Variants in CPAMD8 observed in about 807,000 individuals in gnomAD.
CPAMD8 encodes the protein C3 and PZP-like alpha-2-macroglobulin domain-containing protein 8.
A neutral mutation model predicts 224.7 loss-of-function variants in CPAMD8; 146 were observed. That is an observed-to-expected ratio of 0.65 (90% CI 0.57 to 0.75). CPAMD8 has a LOEUF of 0.75. CPAMD8 is among the 30% of genes least tolerant of loss of function. CPAMD8 has a pLI of 0.00. For synonymous variants in CPAMD8, 966 were observed against 1,044.6 expected (o/e 0.92, Z 1.45); for missense variants, 2,301 against 2,537.5 (o/e 0.91, Z 2.00).
chr19:16,977,697 C>T (rs1229895576), intron 14 of CPAMD8, among the ~76,000 whole-genome samples, 157 bp from the exon 15 acceptor site: 1 of 152,228 alleles, frequency 6.6e-6, no homozygotes, highest in Non-Finnish European at 1.5e-5. Context: ...TCCCAGGCTA[C>T]ATCCTCAGTC....
intron 29 of CPAMD8, among the ~76,000 whole-genome samples, chr19:16,912,769 AC>A (rs2052777894): frequency 6.6e-6 from 1 of 151,988 alleles, no homozygotes; most frequent in South Asian, 2.1e-4. Context: ...AAAAAGTCTC[AC>A]CTCAAGATAT....
At chr19:16,995,240 C>T (rs1404405221) in intron 11 of CPAMD8, among the ~76,000 whole-genome samples, 1 of 152,152 alleles carries the variant, frequency 6.6e-6, no homozygotes, top group East Asian at 1.9e-4. Flanking sequence ...GACAGCCAGC[C>T]AGCATCACTC....
rs1434403474 is a variant in CPAMD8 at position 16,929,059 on chromosome 19, C to T, written c.3027G>A (p.Arg1009=). 6.2e-7 allele frequency: 1 copy of T among 1,613,924 alleles called. No homozygotes were observed. The highest frequency in any genetic ancestry group is 1.3e-5 in the African/African-American group (1 of 74,928). The change falls in exon 24 of 42, where the codon AGG becomes AGA. Residue 1009 remains arginine, a synonymous_variant. Transcript: ENST00000443236. ...EIVLGGHQNT[R]SWISTSKMGE... ...CCATCTTGCTGGTGGAGATCCATGA[C>T]CTGGTGTTCTGATGCCCCCCCAGGA...
chr19:17,021,233 C>T (rs1424425786), intron 2 of CPAMD8, among the ~76,000 whole-genome samples: 1 of 152,164 alleles, frequency 6.6e-6, no homozygotes, highest in East Asian at 1.9e-4. Context: ...TACCAGTGGA[C>T]TTTCTTTCTA....
intron 13 of CPAMD8, among the ~76,000 whole-genome samples, chr19:16,986,815 C>T (rs2055737360): frequency 3.3e-5 from 5 of 151,962 alleles, no homozygotes; most frequent in African/African-American, 1.2e-4. Context: ...AGCCAGTGAG[C>T]CTGCCACCAG....
chr19:16,995,312 C>T (rs2056088730), intron 11 of CPAMD8, among the ~76,000 whole-genome samples: 2 of 152,242 alleles, frequency 1.3e-5, no homozygotes, highest in Admixed American at 1.3e-4. Flanking sequence ...GCCCACTTTC[C>T]CCTTGCATGA....
chr19:16,990,368 GC>G (rs1012583641), intron 12 of CPAMD8, among the ~76,000 whole-genome samples: 10 of 151,890 alleles, frequency 6.6e-5, no homozygotes, highest in Non-Finnish European at 1.3e-4. Context: ...GATCACTTGG[GC>G]CCAGGAGTTC....
At position 16,898,915 on chromosome 19, in the gene CPAMD8, T is replaced by A. The variant is rs990376941; in HGVS notation, c.4848+560A>T. On this transcript the variant is annotated intron_variant, in intron 37 of 41. Coordinates refer to ENST00000443236, the MANE Select transcript of CPAMD8 (RefSeq NM_015692.5). The surrounding 1 kb of genome is among the most constrained non-coding windows in gnomAD (Gnocchi z 4.2). ...AATTTATTCTCCCAGTGTCTTATTT[T>A]TTTTTGTTTTTTTTTAGACAAGGTC... is the stretch of plus-strand genomic sequence containing the variant. 6.6e-6 allele frequency among the ~76,000 whole-genome samples: 1 copy of A among 151,318 alleles called. No individual in the cohort carries two copies. The highest frequency in any genetic ancestry group is 1.5e-5 in the Non-Finnish European group (1 of 68,014).
At position 16,980,737 on chromosome 19, in the gene CPAMD8, C is replaced by G. The variant is rs1487836036; in HGVS notation, c.1396-51G>C. On this transcript the variant is annotated intron_variant, in intron 13 of 41. Transcript: ENST00000443236. ...GCTCTGCCTCGCACCAATGTTGCAA[C>G]CCACCACAGGAAGACGGCCATTCTG... The G allele has an allele frequency of 2.1e-6, 3 of 1,417,122 alleles. No individual in the cohort carries two copies. In the East Asian group the frequency reaches 7.8e-5, roughly 37 times the overall value. The allele number at this position is 1,417,122 out of a possible 1,614,324, so 87.8% of individuals were successfully genotyped here. A position where few individuals can be genotyped will look rare whatever the true frequency, so the allele number is the denominator to read the frequency against.
rs770507104 is a variant in CPAMD8, at chr19:17,008,563, T to C, written c.505-4A>G. On this transcript the variant is annotated splice_polypyrimidine_tract_variant and splice_region_variant and intron_variant, in intron 6 of 41. Coordinates refer to ENST00000443236, the MANE Select transcript of CPAMD8 (RefSeq NM_015692.5). ...TCATCCGAGAGCCTCGGGGGTCCTG[T>C]TGGTGGTGGAGGGGGACAGACACAC... is the stretch of plus-strand genomic sequence containing the variant. 1 of 1,613,834 alleles carries C rather than the reference T, an allele frequency of 6.2e-7. No individual in the cohort carries two copies. Among genetic ancestry groups the C allele is most frequent in the Non-Finnish European group, 8.5e-7 (1 of 1,179,956 alleles).
chr19:16,976,399 C>G (rs185518643), intron 15 of CPAMD8, among the ~76,000 whole-genome samples: 1 of 151,948 alleles, frequency 6.6e-6, no homozygotes, highest in Non-Finnish European at 1.5e-5. Flanking sequence ...TCGCTTGAAG[C>G]CCAGAGACAG....
At chr19:16,973,606 C>T (rs2055141912) in intron 17 of CPAMD8, among the ~76,000 whole-genome samples, 1 of 152,022 alleles carries the variant, frequency 6.6e-6, no homozygotes, top group South Asian at 2.1e-4. Context: ...GTCTTGGCCT[C>T]CCAAAGTGCT....
At position 16,906,378 on chromosome 19, in the gene CPAMD8, CTTTCT is replaced by C. The variant is rs2052498527; in HGVS notation, c.4027+569_4027+573del. Among the ~76,000 whole-genome samples the C allele has an allele frequency of 5.0e-4, 36 of 71,664 alleles. 1 individual carries two copies. The highest frequency in any genetic ancestry group is 8.8e-4 in the Non-Finnish European group (29 of 32,912). The allele number at this position is 71,664 out of a possible 152,430, so 47.0% of individuals were successfully genotyped here. ...TCTTTCTTTCTTTCTTTCTTTCTTT[CTTTCT>C]TTCTTTCTTTCTTTCTTTCTTTCTT... On this transcript the variant is annotated intron_variant, in intron 30 of 41. Coordinates refer to ENST00000443236, the MANE Select transcript of CPAMD8 (RefSeq NM_015692.5).
intron 12 of CPAMD8, among the ~76,000 whole-genome samples, chr19:16,992,605 C>G (rs959860776): frequency 6.6e-6 from 1 of 152,020 alleles, no homozygotes; most frequent in Admixed American, 6.6e-5. Flanking sequence ...GCACCTGCCA[C>G]AACACCTGGC....
intron 41 of CPAMD8, chr19:16,893,576 A>G: frequency 2.2e-6 from 1 of 445,566 alleles, no homozygotes; most frequent in South Asian, 6.2e-5. Context: ...GGGCAAATGC[A>G]GACATAAGCA....
At chr19:16,914,308 T>C (rs983078017) in intron 29 of CPAMD8, 116 bp downstream of exon 29, 10 of 777,064 alleles carry the variant, frequency 1.3e-5, no homozygotes, top group Non-Finnish European at 2.2e-5. Flanking sequence ...AAAGCCTCGA[T>C]AATGAGCAGA....
intron 3 of CPAMD8, among the ~76,000 whole-genome samples, chr19:17,018,210 G>A (rs1276554711): frequency 6.6e-6 from 1 of 151,996 alleles, no homozygotes; most frequent in African/African-American, 2.4e-5. Flanking sequence ...TTGAGCATGT[G>A]GTAAAAGTTA....
intron 22 of CPAMD8, among the ~76,000 whole-genome samples, chr19:16,941,309 A>C (rs1315564451): frequency 6.6e-6 from 1 of 152,202 alleles, no homozygotes; most frequent in Non-Finnish European, 1.5e-5. Flanking sequence ...TGAACAGATA[A>C]AGAAAATGTG....
At chr19:16,952,429 G>C (rs1450672979) in intron 19 of CPAMD8, among the ~76,000 whole-genome samples, 3 of 152,218 alleles carry the variant, frequency 2.0e-5, no homozygotes, top group Admixed American at 6.5e-5. Flanking sequence ...TGTAATACCA[G>C]CACTCTGAGA....
Sources: gnomAD v4.1 joint callset for allele counts (sites outside exome capture counted in the v4.1 genomes callset) on GRCh38, gnomAD v4.1.1 for gene constraint, Gnocchi (gnomAD v3.1) non-coding constraint, MANE v1.5 for transcripts, NCBI Gene and HGNC (gene_info 2026-07-23, HGNC 2026-07-21) for gene names.